The following GPNMB variants were observed in gnomAD, a reference collection of about 807,000 sequenced individuals.
GPNMB encodes the protein glycoprotein nmb.
Under a neutral mutation model 57.3 loss-of-function variants are expected in GPNMB, and 71 were observed. That is an observed-to-expected ratio of 1.24 (90% CI 1.02 to 1.51). The LOEUF is 1.51. Among genes scored for constraint, GPNMB ranks in the 40% most tolerant of loss-of-function variants. GPNMB has a pLI of 0.00. For synonymous variants in GPNMB, 253 were observed against 263.2 expected, an observed-to-expected ratio of 0.96 and a Z score of 0.38; for missense variants, 677 against 691.9, an observed-to-expected ratio of 0.98 and a Z score of 0.24.
intron 9 of GPNMB, chr7:23,273,199 G>A (rs1783251658): frequency 4.3e-6 from 1 of 233,854 alleles, no homozygotes; most frequent in African/African-American, 2.4e-5. Context: ...AGAGGAAGCT[G>A]GAGGCACGGC....
intron 1 of GPNMB, among the ~76,000 whole-genome samples, chr7:23,252,904 G>A (rs182379423): frequency 1.3e-5 from 2 of 152,160 alleles, no homozygotes; most frequent in Non-Finnish European, 2.9e-5. Context: ...AATCTTGAAG[G>A]CATTCCTGAG....
At chr7:23,261,137 C>T (rs755431836) in intron 6 of GPNMB, among the ~76,000 whole-genome samples, 5 of 152,138 alleles carry the variant, frequency 3.3e-5, no homozygotes, top group African/African-American at 4.8e-5. Flanking sequence ...GCTCCTTATA[C>T]GATCAGGTCA....
intron 9 of GPNMB, among the ~76,000 whole-genome samples, chr7:23,272,738 G>T (rs572943483): frequency 9.2e-5 from 14 of 152,254 alleles, no homozygotes; most frequent in African/African-American, 3.4e-4. Flanking sequence ...GCTCAGCACA[G>T]TTCTAGGCAG....
intron 6 of GPNMB, among the ~76,000 whole-genome samples, chr7:23,265,678 C>G (rs1053371736): frequency 3.9e-5 from 6 of 152,004 alleles, no homozygotes; most frequent in South Asian, 4.2e-4. Flanking sequence ...AGTACTCCCT[C>G]TGCAGCAGTG....
At chr7:23,253,249 A>T in intron 1 of GPNMB, 58 bp from the exon 2 acceptor site, 1 of 1,461,722 alleles carries the variant, frequency 6.8e-7, no homozygotes, top group Non-Finnish European at 9.4e-7. Flanking sequence ...AAGTTTCTTT[A>T]ACCACTGTGA....
Position 23,254,312 on chromosome 7 carries a change from G to T in GPNMB, c.367G>T (p.Glu123Ter), listed in dbSNP as rs1782727681. Residue 123 changes from glutamate (E) to a stop codon, truncating the protein, a stop_gained and splice_region_variant, in exon 3 of 11, where the codon GAG becomes TAG. Transcript: ENST00000258733. LOFTEE classifies it high-confidence loss of function. ...NIVYEKNCRN[E>*]AGLSADPYVY... Reference sequence around the variant, plus strand: ...AGTCTATGAGAAGAACTGCAGAAATGGTAAGAACACAGTATTCTCCTAAAC... The same window carrying T: ...AGTCTATGAGAAGAACTGCAGAAATTGTAAGAACACAGTATTCTCCTAAAC... The T allele has an allele frequency of 6.2e-7, 1 of 1,612,084 alleles. No individual in the cohort carries two copies. Among genetic ancestry groups the T allele is most frequent in the Non-Finnish European group, 8.5e-7 (1 of 1,178,410 alleles).
At chr7:23,256,689 T>G (rs1413966164) in intron 3 of GPNMB, among the ~76,000 whole-genome samples, 1 of 152,256 alleles carries the variant, frequency 6.6e-6, no homozygotes, top group Non-Finnish European at 1.5e-5. Context: ...TATAAAACCT[T>G]CATTGAAATA....
chr7:23,256,033 A>G (rs916648315), intron 3 of GPNMB, among the ~76,000 whole-genome samples: 1 of 152,028 alleles, frequency 6.6e-6, no homozygotes, highest in Admixed American at 6.6e-5. Flanking sequence ...CGGCGTCCCA[A>G]GTAGCTGGGA....
At chr7:23,267,794 A>G in intron 7 of GPNMB, 92 bp from the exon 8 acceptor site, 1 of 902,018 alleles carries the variant, frequency 1.1e-6, no homozygotes, top group Non-Finnish European at 1.8e-6. Context: ...TCGGAGGGAC[A>G]CAAACATTCA....
Position 23,254,280 on chromosome 7 carries a change from G to T in GPNMB, c.335G>T (p.Gly112Val). The T allele has an allele frequency of 6.2e-7, 1 of 1,613,532 alleles. No individual in the cohort carries two copies. The highest frequency in any genetic ancestry group is 8.5e-7 in the Non-Finnish European group (1 of 1,179,468). ...AGATGCCAAAAGGAAGATGCCAATG[G>T]CAACATAGTCTATGAGAAGAACTGC... is the stretch of plus-strand genomic sequence containing the variant. ...FPRCQKEDAN[G>V]NIVYEKNCRN... The change falls in exon 3 of 11, where the codon GGC becomes GTC. Residue 112 changes from glycine (G) to valine (V), a missense_variant. Gly to Val is a moderately radical substitution (Grantham distance 109, BLOSUM62 -3). Transcript: ENST00000258733.
intron 9 of GPNMB, among the ~76,000 whole-genome samples, chr7:23,270,470 A>G (rs1362220642): frequency 6.6e-6 from 1 of 152,196 alleles, no homozygotes; most frequent in East Asian, 1.9e-4. Flanking sequence ...ACGCTTGAAT[A>G]GATTTGTATT....
rs200118180 is a variant in GPNMB at position 23,273,198 on chromosome 7, TGGAGGCACGGCC to T, written c.1430-321_1430-310del. ...GAAGGTAAGTAGAGAGAGAGGAAGC[TGGAGGCACGGCC>T]GCCTGATCACAGGAGCCCTTCCACA... On this transcript the variant is annotated intron_variant, in intron 9 of 10. Coordinates refer to ENST00000258733, the MANE Select transcript of GPNMB (RefSeq NM_002510.3). The T allele has an allele frequency of 5.7e-3, 1,342 of 235,142 alleles. 19 individuals are homozygous for T. Among genetic ancestry groups the T allele is most frequent in the African/African-American group, 0.028 (1,237 of 44,388 alleles). The allele number at this position is 235,142 out of a possible 1,614,324, so 14.6% of individuals were successfully genotyped here. A position where few individuals can be genotyped will look rare whatever the true frequency, so the allele number is the denominator to read the frequency against.
intron 1 of GPNMB, among the ~76,000 whole-genome samples, chr7:23,251,401 G>T (rs551499697): frequency 7.9e-4 from 120 of 152,330 alleles, no homozygotes; most frequent in African/African-American, 2.6e-3. Flanking sequence ...TAGAACCACA[G>T]AAATTAATGG....
At position 23,267,076 on chromosome 7, in the gene GPNMB, G is replaced by A. The variant is rs546639955; in HGVS notation, c.1117+461G>A. ...AGGCATACAACAGAGAAGACAGAGGGGAACTGAAGCCCAACCTGTGCTCAC... is the reference window on the plus strand; with the variant it reads ...AGGCATACAACAGAGAAGACAGAGGAGAACTGAAGCCCAACCTGTGCTCAC... On this transcript the variant is annotated intron_variant, in intron 7 of 10. Coordinates refer to ENST00000258733, the MANE Select transcript of GPNMB (RefSeq NM_002510.3). Among the ~76,000 whole-genome samples, 10 of 152,356 alleles carry A rather than the reference G, an allele frequency of 6.6e-5. No homozygotes were observed. The East Asian group carries it at 1.9e-3, about 29-fold the overall frequency.
chr7:23,246,952 T>G, intron 1 of GPNMB, 25 bp downstream of exon 1: 1 of 1,565,836 alleles, frequency 6.4e-7, no homozygotes, highest in Non-Finnish European at 8.8e-7. Context: ...ATTTCTATGT[T>G]TAACCCATTC....
At chr7:23,270,220 A>G in intron 9 of GPNMB, 45 bp downstream of exon 9, 1 of 1,324,124 alleles carries the variant, frequency 7.6e-7, no homozygotes, top group Non-Finnish European at 1.1e-6. Flanking sequence ...TACTGCAAGT[A>G]AAGTGTGTAT....
In GPNMB at chr7:23,275,059, T is replaced by G. The variant is rs1783303891; in HGVS notation, c.*835T>G. 1 of 152,076 alleles carries G rather than the reference T, an allele frequency of 6.6e-6. No individual in the cohort carries two copies. Among genetic ancestry groups the G allele is most frequent in the Non-Finnish European group, 1.5e-5 (1 of 68,022 alleles). 9.4% of individuals were successfully genotyped at this position (152,076 alleles called of 1,614,324 possible). A position where few individuals can be genotyped will look rare whatever the true frequency, so the allele number is the denominator to read the frequency against. On this transcript the variant is annotated 3_prime_UTR_variant, in exon 11 of 11. Coordinates refer to ENST00000258733, the MANE Select transcript of GPNMB (RefSeq NM_002510.3). Reference sequence around the variant, plus strand: ...AAAACCATCTACTATATGTTAGACATGACATTCTTTTTCTCTCCTTCCTGA... The same window carrying G: ...AAAACCATCTACTATATGTTAGACAGGACATTCTTTTTCTCTCCTTCCTGA...
intron 9 of GPNMB, among the ~76,000 whole-genome samples, chr7:23,271,981 C>T (rs563208913): frequency 1.3e-5 from 2 of 152,230 alleles, no homozygotes; most frequent in East Asian, 1.9e-4. Flanking sequence ...GCAAAACCAA[C>T]GATGCAAGGG....
In GPNMB at chr7:23,274,489, G is replaced by A. The variant is rs1214048132; in HGVS notation, c.*265G>A. The A allele has an allele frequency of 6.4e-6, 2 of 310,184 alleles. No individual in the cohort carries two copies. Among genetic ancestry groups the A allele is most frequent in the Non-Finnish European group, 1.2e-5 (2 of 167,620 alleles). The allele number at this position is 310,184 out of a possible 1,614,324, so 19.2% of individuals were successfully genotyped here. A position where few individuals can be genotyped will look rare whatever the true frequency, so the allele number is the denominator to read the frequency against. ...TTTATGTTTCACTTATAAAGTCTTA[G>A]GTAACTAGTAGGATAGAAACACTGT... On this transcript the variant is annotated 3_prime_UTR_variant, in exon 11 of 11. Coordinates refer to ENST00000258733, the MANE Select transcript of GPNMB (RefSeq NM_002510.3).
Sources: allele counts gnomAD v4.1 joint callset (sites outside exome capture counted in the v4.1 genomes callset), GRCh38; gene constraint gnomAD v4.1.1; transcripts MANE v1.5; gene names NCBI Gene and HGNC (gene_info 2026-07-23, HGNC 2026-07-21).